The following CLSTN2 variants were observed in gnomAD, a reference collection of about 807,000 sequenced individuals.
CLSTN2 encodes calsyntenin-2.
A neutral mutation model predicts 101.2 loss-of-function variants in CLSTN2; 48 were observed. The observed-to-expected ratio is 0.47, with a 90% CI of 0.38 to 0.60. The LOEUF is 0.60. Among genes scored for constraint, CLSTN2 ranks in the 20% least tolerant of loss-of-function variants. CLSTN2 has a pLI of 0.00. For synonymous variants in CLSTN2, 481 were observed against 463.6 expected (o/e 1.04, Z -0.48); for missense variants, 1,160 against 1,238.2 (o/e 0.94, Z 0.95).
At chr3:140,552,665 T>G (rs989149657) in intron 10 of CLSTN2, among the ~76,000 whole-genome samples, 3 of 152,236 alleles carry the variant, frequency 2.0e-5, no homozygotes, top group East Asian at 3.9e-4. Context: ...TTGATTTTCC[T>G]AGGCAGCCCT....
chr3:140,340,936 T>G (rs989481487), intron 2 of CLSTN2, among the ~76,000 whole-genome samples: 2 of 152,128 alleles, frequency 1.3e-5, no homozygotes, highest in African/African-American at 4.8e-5. Flanking sequence ...TTTTTCATGA[T>G]TAGATGAGGT....
intron 5 of CLSTN2, among the ~76,000 whole-genome samples, chr3:140,442,303 C>T (rs1932942879): frequency 6.6e-6 from 1 of 152,140 alleles, no homozygotes; most frequent in African/African-American, 2.4e-5. Flanking sequence ...CCTAATCACC[C>T]CAGGGTCAGG....
At chr3:139,970,143 G>A (rs77469853) in intron 1 of CLSTN2, among the ~76,000 whole-genome samples, 2 of 152,218 alleles carry the variant, frequency 1.3e-5, no homozygotes, top group East Asian at 3.9e-4. Flanking sequence ...TTTGGGCTGG[G>A]GTGTGGCTTG....
intron 8 of CLSTN2, among the ~76,000 whole-genome samples, chr3:140,517,699 C>G (rs1393566146): frequency 6.6e-6 from 1 of 152,256 alleles, no homozygotes; most frequent in Admixed American, 6.5e-5. Context: ...CCGTGGACAC[C>G]AGTATCTGCT....
chr3:140,258,011 A>G (rs1214562773), intron 2 of CLSTN2, among the ~76,000 whole-genome samples: 1 of 152,138 alleles, frequency 6.6e-6, no homozygotes, highest in Non-Finnish European at 1.5e-5. Flanking sequence ...TGCCAATACT[A>G]AATGTTATTA....
At chr3:140,280,806 G>A (rs2086838488) in intron 2 of CLSTN2, among the ~76,000 whole-genome samples, 3 of 152,158 alleles carry the variant, frequency 2.0e-5, no homozygotes, top group Non-Finnish European at 4.4e-5. Context: ...GGGCTGCTTT[G>A]GAGGAACTTG....
intron 1 of CLSTN2, among the ~76,000 whole-genome samples, chr3:140,119,047 G>A (rs1485520849): frequency 6.6e-6 from 1 of 152,174 alleles, no homozygotes; most frequent in Non-Finnish European, 1.5e-5. Flanking sequence ...GGGAGAGAGA[G>A]AGGAATTAGC....
intron 11 of CLSTN2, among the ~76,000 whole-genome samples, chr3:140,557,511 C>T (rs576972923): frequency 2.3e-4 from 35 of 152,258 alleles, no homozygotes; most frequent in Middle Eastern, 3.4e-3. Context: ...AACAAATTGG[C>T]CTGCGTCCTG....
intron 2 of CLSTN2, among the ~76,000 whole-genome samples, chr3:140,347,223 C>T (rs1172694574): frequency 6.6e-6 from 1 of 152,192 alleles, no homozygotes; most frequent in Admixed American, 6.5e-5. Flanking sequence ...AGACCAACAA[C>T]AACAAGAAAA....
intron 1 of CLSTN2, among the ~76,000 whole-genome samples, chr3:139,945,956 A>C (rs1490654535): frequency 2.0e-5 from 3 of 152,210 alleles, no homozygotes; most frequent in Non-Finnish European, 2.9e-5. Flanking sequence ...ATGAACTGAA[A>C]GTGTTGGATG....
intron 8 of CLSTN2, among the ~76,000 whole-genome samples, chr3:140,518,727 G>A (rs568819569): frequency 1.5e-3 from 223 of 152,248 alleles, no homozygotes; most frequent in African/African-American, 5.1e-3. Context: ...CGGCTTTCCT[G>A]GTATGTTCCT....
intron 2 of CLSTN2, among the ~76,000 whole-genome samples, chr3:140,363,181 AAATG>A (rs1201609900): frequency 6.6e-6 from 1 of 152,244 alleles, no homozygotes; most frequent in Non-Finnish European, 1.5e-5. Context: ...AGTACAACAT[AAATG>A]AATCTCAAAA....
chr3:140,413,480 GAACT>G (rs1304054574), intron 4 of CLSTN2, among the ~76,000 whole-genome samples: 1 of 152,194 alleles, frequency 6.6e-6, no homozygotes, highest in East Asian at 1.9e-4. Flanking sequence ...AACATTGAAA[GAACT>G]AATACCAGTC....
chr3:140,403,669 C>T lies in CLSTN2; in HGVS notation c.273C>T (p.Pro91=). Residue 91 remains proline (P), a synonymous_variant, in exon 3 of 17, where the codon CCC becomes CCT. Coordinates refer to ENST00000458420, the MANE Select transcript of CLSTN2 (RefSeq NM_022131.3). ...TCAAGATCCATGGCCAGGAGCTGCC[C>T]TTTGAGGCTGTGGTGCTCAACAAGA... ...CAFKIHGQEL[P]FEAVVLNKTS... The T allele has an allele frequency of 6.2e-7, 1 of 1,614,024 alleles. No homozygotes were observed.
Position 140,019,834 on chromosome 3 carries a change from A to G in CLSTN2, c.109+84351A>G, listed in dbSNP as rs188500323. On this transcript the variant is annotated intron_variant, in intron 1 of 16. Coordinates refer to ENST00000458420, the MANE Select transcript of CLSTN2 (RefSeq NM_022131.3). ...TAGGCAAAATAACCTTAAAGGAATC[A>G]GGACCCAGTTCATGAGAGTCAGAGT... Among the ~76,000 whole-genome samples, 7 of 152,298 alleles carry G rather than the reference A, an allele frequency of 4.6e-5. No individual in the cohort carries two copies. In the East Asian group the frequency reaches 1.4e-3, roughly 29 times the overall value.
intron 1 of CLSTN2, among the ~76,000 whole-genome samples, chr3:140,103,132 G>T (rs1012712987): frequency 6.6e-6 from 1 of 152,202 alleles, no homozygotes; most frequent in African/African-American, 2.4e-5. Flanking sequence ...TCAGATTTCT[G>T]AGACTGACCA....
intron 1 of CLSTN2, among the ~76,000 whole-genome samples, chr3:140,005,104 C>A (rs1241575487): frequency 6.6e-6 from 1 of 152,138 alleles, no homozygotes; most frequent in Non-Finnish European, 1.5e-5. Flanking sequence ...AAGCTGAGCT[C>A]CAAGAACCCA....
chr3:140,343,663 G>A (rs886342402), intron 2 of CLSTN2, among the ~76,000 whole-genome samples: 2 of 152,172 alleles, frequency 1.3e-5, no homozygotes, highest in Non-Finnish European at 2.9e-5. Flanking sequence ...CTTAAGCCTG[G>A]AAGTTCCAGA....
chr3:140,411,671 A>G (rs1380935279), intron 4 of CLSTN2, among the ~76,000 whole-genome samples: 1 of 152,256 alleles, frequency 6.6e-6, no homozygotes, highest in Non-Finnish European at 1.5e-5. Context: ...ATTGTTTTCA[A>G]TGAAACTCTT....
Sources: gnomAD v4.1 joint callset for allele counts (sites outside exome capture counted in the v4.1 genomes callset) on GRCh38, gnomAD v4.1.1 for gene constraint, MANE v1.5 for transcripts, NCBI Gene and HGNC (gene_info 2026-07-23, HGNC 2026-07-21) for gene names.